The following UGT1A5 variants were observed in gnomAD, a reference collection of about 807,000 sequenced individuals.
UGT1A5 encodes the protein UDP-glucuronosyltransferase 1A5.
Under a neutral mutation model 40.3 loss-of-function variants are expected in UGT1A5, and 29 were observed. That is an observed-to-expected ratio of 0.72 (90% CI 0.54 to 0.98). UGT1A5 has a LOEUF of 0.98. Ranked by LOEUF, UGT1A5 falls within the 50% of genes least tolerant of loss-of-function variation. The probability of loss-of-function intolerance (pLI) is 0.00; values close to 1 mark genes in which losing one functional copy is unlikely to be tolerated. For missense variants in UGT1A5, 678 were observed against 677.9 expected, an observed-to-expected ratio of 1.00 and a Z score of 0.00; for synonymous variants, 257 against 262.5, an observed-to-expected ratio of 0.98 and a Z score of 0.20.
At chr2:233,755,462 T>C (rs1695929337) in intron 1 of UGT1A5, 1 of 276,566 alleles carries the variant, frequency 3.6e-6, no homozygotes, top group Non-Finnish European at 7.1e-6. Flanking sequence ...CTGGCCCTGC[T>C]CTCTGTGAGG....
At chr2:233,720,989 G>A (rs570345451) in intron 1 of UGT1A5, among the ~76,000 whole-genome samples, 1 of 151,692 alleles carries the variant, frequency 6.6e-6, no homozygotes, top group Non-Finnish European at 1.5e-5. Flanking sequence ...GGGATTACAG[G>A]CAAGAGCCAC....
intron 4 of UGT1A5, among the ~76,000 whole-genome samples, chr2:233,768,946 C>T (rs1699761608): frequency 6.6e-6 from 1 of 152,058 alleles, no homozygotes. Context: ...TCTTTAGTTT[C>T]TATATAATTT....
chr2:233,754,256 G>T (rs1695431509), intron 1 of UGT1A5: 1 of 171,288 alleles, frequency 5.8e-6, no homozygotes, highest in Admixed American at 5.6e-5. Flanking sequence ...AACGGAAAAA[G>T]GTAAGGCTCA....
At chr2:233,720,517 A>G (rs556440432) in intron 1 of UGT1A5, among the ~76,000 whole-genome samples, 3 of 152,226 alleles carry the variant, frequency 2.0e-5, no homozygotes, top group East Asian at 1.9e-4. Context: ...GAAGCTGATC[A>G]TATCACCAAA....
intron 1 of UGT1A5, among the ~76,000 whole-genome samples, chr2:233,735,302 G>A (rs1400766071): frequency 6.6e-6 from 1 of 151,808 alleles, no homozygotes; most frequent in Non-Finnish European, 1.5e-5. Flanking sequence ...TTTTGTTAAA[G>A]TCTGTTTTAT....
intron 1 of UGT1A5, among the ~76,000 whole-genome samples, chr2:233,738,491 G>C (rs113157638): frequency 5.3e-5 from 8 of 152,298 alleles, no homozygotes; most frequent in African/African-American, 1.9e-4. Flanking sequence ...CTTGTTGAAC[G>C]GTTTTGACCA....
intron 1 of UGT1A5, among the ~76,000 whole-genome samples, chr2:233,716,295 T>C (rs1461759627): frequency 1.3e-5 from 2 of 152,216 alleles, no homozygotes; most frequent in Non-Finnish European, 2.9e-5. Flanking sequence ...ATCACATCTA[T>C]AAAGTCTCTT....
intron 1 of UGT1A5, chr2:233,743,939 C>T: frequency 7.4e-7 from 1 of 1,355,422 alleles, no homozygotes; most frequent in Non-Finnish European, 9.9e-7. Context: ...GAACGGCCCA[C>T]CAGGCACTGG....
intron 1 of UGT1A5, 35 bp downstream of exon 1, chr2:233,713,893 A>C (rs774657608): frequency 3.1e-6 from 5 of 1,613,332 alleles, no homozygotes; most frequent in Non-Finnish European, 4.2e-6. Flanking sequence ...TCAATGTTCC[A>C]GGCAAAACAC....
At chr2:233,743,198 T>C in intron 1 of UGT1A5, 1 of 382,298 alleles carries the variant, frequency 2.6e-6, no homozygotes, top group Non-Finnish European at 5.2e-6. Context: ...TTACTTGGTG[T>C]CAATGCGGAG....
At chr2:233,728,353 G>T (rs563939650) in intron 1 of UGT1A5, among the ~76,000 whole-genome samples, 5 of 152,310 alleles carry the variant, frequency 3.3e-5, no homozygotes, top group Admixed American at 3.3e-4. Context: ...GTGAGCAGGA[G>T]CTCCCTGAAC....
chr2:233,767,696 G>A (rs1360592219), intron 2 of UGT1A5, among the ~76,000 whole-genome samples, 153 bp from the exon 3 acceptor site: 3 of 152,166 alleles, frequency 2.0e-5, no homozygotes, highest in African/African-American at 7.2e-5. Flanking sequence ...GCCGGAAGTT[G>A]CCAGTCCTCA....
intron 1 of UGT1A5, among the ~76,000 whole-genome samples, chr2:233,720,006 T>G (rs1403033451): frequency 6.6e-6 from 1 of 152,190 alleles, no homozygotes; most frequent in Non-Finnish European, 1.5e-5. Context: ...CATTCAGAAC[T>G]GATCCATCCT....
At chr2:233,717,182 C>A (rs1378916239) in intron 1 of UGT1A5, among the ~76,000 whole-genome samples, 1 of 152,140 alleles carries the variant, frequency 6.6e-6, no homozygotes, top group Non-Finnish European at 1.5e-5. Context: ...GCAAGAGCAC[C>A]CTCCCAGGCA....
chr2:233,717,022 C>A (rs889344581), intron 1 of UGT1A5, among the ~76,000 whole-genome samples: 1 of 152,198 alleles, frequency 6.6e-6, no homozygotes, highest in African/African-American at 2.4e-5. Context: ...AAGGCACCAC[C>A]ATCTTCCAAG....
chr2:233,729,088 C>A, intron 1 of UGT1A5: 8 of 1,612,432 alleles, frequency 5.0e-6, no homozygotes, highest in Non-Finnish European at 6.8e-6. Flanking sequence ...GCAGGCACAG[C>A]GTGGGGTGGA....
intron 1 of UGT1A5, among the ~76,000 whole-genome samples, chr2:233,734,449 A>ATTTTCTTGATC (rs200649315): frequency 0.065 from 9,832 of 151,068 alleles, 532 homozygotes; most frequent in African/African-American, 0.16. Context: ...AGGTCTATCA[A>ATTTTCTTGATC]TTTTCAAAAT....
intron 1 of UGT1A5, among the ~76,000 whole-genome samples, chr2:233,718,542 G>C (rs2076661859): frequency 6.6e-6 from 1 of 152,234 alleles, no homozygotes. Flanking sequence ...GTTGGGAATT[G>C]AATGAGAAAG....
intron 1 of UGT1A5, among the ~76,000 whole-genome samples, chr2:233,732,755 G>GT (rs956485327): frequency 0.043 from 5,191 of 120,064 alleles, 256 homozygotes; most frequent in African/African-American, 0.13. Flanking sequence ...CACCAGCTTT[G>GT]TTTTTTTTTT....
Sources: allele counts gnomAD v4.1 joint callset (sites outside exome capture counted in the v4.1 genomes callset), GRCh38; gene constraint gnomAD v4.1.1; transcripts MANE v1.5; gene names NCBI Gene and HGNC (gene_info 2026-07-23, HGNC 2026-07-21).